BTBD7: variants seen among roughly 807,000 people sequenced by gnomAD.
BTBD7 encodes the protein BTB/POZ domain-containing protein 7.
A neutral mutation model predicts 99.9 loss-of-function variants in BTBD7; 38 were observed. The observed-to-expected ratio is 0.38, with a 90% CI of 0.29 to 0.50. The LOEUF is 0.50. BTBD7 is among the 20% of genes least tolerant of loss of function. The pLI is 0.93. For synonymous variants in BTBD7, 520 were observed against 511.4 expected, an observed-to-expected ratio of 1.02 and a Z score of -0.23; for missense variants, 1,170 against 1,394.6, an observed-to-expected ratio of 0.84 and a Z score of 2.57.
intron 1 of BTBD7, among the ~76,000 whole-genome samples, chr14:93,310,916 G>A (rs190408185): frequency 1.3e-5 from 2 of 151,456 alleles, no homozygotes; most frequent in Admixed American, 6.6e-5. Flanking sequence ...ATCCATTAAC[G>A]GGGTTGAAAA....
intron 1 of BTBD7, among the ~76,000 whole-genome samples, chr14:93,321,757 G>C (rs1254641879): frequency 6.6e-6 from 1 of 152,014 alleles, no homozygotes; most frequent in Admixed American, 6.6e-5. Context: ...TATGATCTTG[G>C]GCAATTTTTT....
intron 5 of BTBD7, 47 bp from the exon 6 acceptor site, chr14:93,257,402 G>A: frequency 6.4e-7 from 1 of 1,556,692 alleles, no homozygotes; most frequent in Non-Finnish European, 8.7e-7. Flanking sequence ...CAAATGTTCT[G>A]AGACAGGTTT....
intron 1 of BTBD7, among the ~76,000 whole-genome samples, chr14:93,330,268 T>TA (rs1303207045): frequency 1.3e-5 from 2 of 152,246 alleles, no homozygotes; most frequent in Non-Finnish European, 2.9e-5. Flanking sequence ...TCCAACTGAC[T>TA]AAAGTTTCCT....
intron 3 of BTBD7, among the ~76,000 whole-genome samples, chr14:93,290,155 C>T (rs2139759020): frequency 6.6e-6 from 1 of 151,338 alleles, no homozygotes. Context: ...GCACCTGGCA[C>T]CAAGAATCCT....
At chr14:93,252,776 C>T (rs1363380278) in intron 7 of BTBD7, among the ~76,000 whole-genome samples, 1 of 151,926 alleles carries the variant, frequency 6.6e-6, no homozygotes, top group Non-Finnish European at 1.5e-5. Flanking sequence ...TAAGGATTTC[C>T]TGCTTTCAAA....
rs962030740 is a variant in BTBD7 at position 93,248,757 on chromosome 14, T to C, written c.1943-103A>G. The stretch of plus-strand genomic sequence containing the variant: ...GCATGTATTTCATACCAGAATCTTA[T>C]AAGTTTTTAAGATAGTATCTTAATT... On this transcript the variant is annotated intron_variant, in intron 8 of 10. Transcript: ENST00000334746. 36 of 1,015,758 alleles carry C rather than the reference T, an allele frequency of 3.5e-5. No homozygotes were observed. In the Admixed American group the frequency reaches 9.4e-4, roughly 26 times the overall value. 62.9% of individuals were successfully genotyped at this position (1,015,758 alleles called of 1,614,324 possible).
Position 93,332,912 on chromosome 14 carries a change from C to A in BTBD7, c.-199G>T. The A allele has an allele frequency of 7.8e-7, 1 of 1,277,756 alleles. No homozygotes were observed. The highest frequency in any genetic ancestry group is 1.0e-6 in the Non-Finnish European group (1 of 964,428). 79.2% of individuals were successfully genotyped at this position (1,277,756 alleles called of 1,614,324 possible). A position where few individuals can be genotyped will look rare whatever the true frequency, so the allele number is the denominator to read the frequency against. On this transcript the variant is annotated 5_prime_UTR_variant, in exon 1 of 11. Transcript: ENST00000334746. ...ACCAGCACCGCCGTCCGCACCGGCG[C>A]CAGCACCCCCGGCCATCCTCCTCCC...
chr14:93,304,627 C>G (rs945417127), intron 1 of BTBD7, among the ~76,000 whole-genome samples: 1 of 152,232 alleles, frequency 6.6e-6, no homozygotes, highest in Non-Finnish European at 1.5e-5. Context: ...GTTGGGATTA[C>G]AGGCGTGAGC....
At chr14:93,289,481 C>G (rs1218101578) in intron 3 of BTBD7, among the ~76,000 whole-genome samples, 2 of 152,178 alleles carry the variant, frequency 1.3e-5, no homozygotes, top group African/African-American at 4.8e-5. Flanking sequence ...CTCAGTAGCC[C>G]CCTTTACAGC....
intron 3 of BTBD7, among the ~76,000 whole-genome samples, chr14:93,277,229 T>C (rs1595304534): frequency 6.6e-6 from 1 of 152,148 alleles, no homozygotes; most frequent in African/African-American, 2.4e-5. Flanking sequence ...AGGTACTCAA[T>C]TGACTAGATT....
chr14:93,299,990 T>C (rs897166522), intron 1 of BTBD7, among the ~76,000 whole-genome samples: 6 of 152,126 alleles, frequency 3.9e-5, no homozygotes, highest in Non-Finnish European at 7.3e-5. Flanking sequence ...CATAACACAC[T>C]CAGGAAAATG....
At chr14:93,307,609 C>G (rs1280030502) in intron 1 of BTBD7, among the ~76,000 whole-genome samples, 1 of 152,322 alleles carries the variant, frequency 6.6e-6, no homozygotes, top group Non-Finnish European at 1.5e-5. Flanking sequence ...GCCTGTACCA[C>G]TCTTCTGAAA....
chr14:93,321,933 A>C (rs1015758920), intron 1 of BTBD7, among the ~76,000 whole-genome samples: 1 of 152,204 alleles, frequency 6.6e-6, no homozygotes, highest in South Asian at 2.1e-4. Flanking sequence ...ATAATGCTCC[A>C]AACAGCAGTG....
chr14:93,288,445 T>G (rs537684914), intron 3 of BTBD7: 6 of 685,674 alleles, frequency 8.8e-6, no homozygotes, highest in Middle Eastern at 4.8e-4. Flanking sequence ...TTTACTTTAA[T>G]AGCATCCTGC....
At chr14:93,308,863 A>C (rs1466452599) in intron 1 of BTBD7, among the ~76,000 whole-genome samples, 4 of 152,238 alleles carry the variant, frequency 2.6e-5, no homozygotes, top group Non-Finnish European at 5.9e-5. Context: ...TTCAGTAAGC[A>C]CAAAGTTTCA....
At chr14:93,286,343 C>G (rs1046068065) in intron 3 of BTBD7, among the ~76,000 whole-genome samples, 3 of 152,178 alleles carry the variant, frequency 2.0e-5, no homozygotes, top group African/African-American at 7.2e-5. Context: ...GGAATGCTAC[C>G]TATTCAGGAA....
At chr14:93,258,331 T>C (rs1046963781) in intron 5 of BTBD7, among the ~76,000 whole-genome samples, 1 of 152,140 alleles carries the variant, frequency 6.6e-6, no homozygotes, top group African/African-American at 2.4e-5. Context: ...TTTTCCCCCT[T>C]GCCTAGCTAT....
At chr14:93,275,054 C>T (rs1201977961) in intron 3 of BTBD7, among the ~76,000 whole-genome samples, 11 of 152,066 alleles carry the variant, frequency 7.2e-5, no homozygotes, top group Non-Finnish European at 1.3e-4. Context: ...TAAGTACTAC[C>T]AAAGGGGTGT....
chr14:93,296,074 C>CCGTCTG lies in BTBD7; in HGVS notation c.-29_-24dup. The CCGTCTG allele has an allele frequency of 2.5e-6, 4 of 1,611,684 alleles. No homozygotes were observed. The highest frequency in any genetic ancestry group is 1.3e-5 in the African/African-American group (1 of 74,974). ...CATTTTCTTCAGTCACTCAGGCATT[C>CCGTCTG]CGTCTGCGGGTTCTTCAGAGTATAA... On this transcript the variant is annotated 5_prime_UTR_variant, in exon 2 of 11. Coordinates refer to ENST00000334746, the MANE Select transcript of BTBD7 (RefSeq NM_001002860.4).
Sources: allele counts gnomAD v4.1 joint callset (sites outside exome capture counted in the v4.1 genomes callset), GRCh38; gene constraint gnomAD v4.1.1; transcripts MANE v1.5; gene names NCBI Gene and HGNC (gene_info 2026-07-23, HGNC 2026-07-21).